The following CLASP1 variants were observed in gnomAD, a reference collection of about 807,000 sequenced individuals.
The protein encoded by CLASP1 is CLIP-associating protein 1.
Under a neutral mutation model 192.3 loss-of-function variants are expected in CLASP1, and 38 were observed. That is an observed-to-expected ratio of 0.20 (90% CI 0.15 to 0.26). The LOEUF is 0.26. Ranked by LOEUF, CLASP1 falls within the 10% of genes least tolerant of loss-of-function variation. CLASP1 has a pLI of 1.00. For missense variants in CLASP1, 1,433 were observed against 1,932.5 expected (o/e 0.74, Z 4.85); for synonymous variants, 691 against 712.8 (o/e 0.97, Z 0.49).
chr2:121,568,914 T>C (rs1373378874), intron 2 of CLASP1, among the ~76,000 whole-genome samples: 1 of 149,760 alleles, frequency 6.7e-6, no homozygotes, highest in Non-Finnish European at 1.5e-5. Context: ...AGGAATAGAA[T>C]TGATAGGGTA....
intron 25 of CLASP1, among the ~76,000 whole-genome samples, chr2:121,405,623 TA>T (rs2076798538): frequency 6.6e-6 from 1 of 152,206 alleles, no homozygotes; most frequent in African/African-American, 2.4e-5. Context: ...TCAATATTGT[TA>T]ACGACGTAAC....
intron 2 of CLASP1, among the ~76,000 whole-genome samples, chr2:121,546,851 T>G (rs556618247): frequency 2.0e-4 from 30 of 152,252 alleles, no homozygotes; most frequent in African/African-American, 7.0e-4. Flanking sequence ...GAGGTCAGAC[T>G]GCTGTTTTAA....
At chr2:121,607,826 C>T (rs2064649011) in intron 1 of CLASP1, among the ~76,000 whole-genome samples, 1 of 152,168 alleles carries the variant, frequency 6.6e-6, no homozygotes. Flanking sequence ...TCTAATACCA[C>T]CCCATCCCCA....
At chr2:121,493,657 C>G (rs1037306979) in intron 8 of CLASP1, among the ~76,000 whole-genome samples, 3 of 151,832 alleles carry the variant, frequency 2.0e-5, no homozygotes, top group East Asian at 3.9e-4. Flanking sequence ...TGTAAGACAA[C>G]CCACAAAATG....
intron 19 of CLASP1, among the ~76,000 whole-genome samples, chr2:121,440,166 T>C (rs1479592095): frequency 6.6e-6 from 1 of 151,910 alleles, no homozygotes; most frequent in Non-Finnish European, 1.5e-5. Flanking sequence ...CATTCCAGTC[T>C]GTGATCCTCT....
At chr2:121,512,448 T>C (rs1208695228) in intron 7 of CLASP1, among the ~76,000 whole-genome samples, 15 of 152,226 alleles carry the variant, frequency 9.9e-5, no homozygotes, top group Non-Finnish European at 1.8e-4. Flanking sequence ...TCTGAACATA[T>C]ATACATGAAC....
chr2:121,577,997 A>G (rs1264093181), intron 2 of CLASP1, among the ~76,000 whole-genome samples: 2 of 152,130 alleles, frequency 1.3e-5, no homozygotes, highest in Non-Finnish European at 2.9e-5. Context: ...CAGTGGTATG[A>G]TCTCTGCTCA....
At chr2:121,451,121 C>T in intron 15 of CLASP1, 131 bp from the exon 16 acceptor site, 1 of 658,832 alleles carries the variant, frequency 1.5e-6, no homozygotes, top group South Asian at 1.9e-5. Context: ...TGGTCAGTTC[C>T]CACGTGGCTG....
intron 26 of CLASP1, chr2:121,403,849 G>A: frequency 2.2e-6 from 1 of 456,910 alleles, no homozygotes; most frequent in South Asian, 1.6e-5. Flanking sequence ...CACCAGCTAA[G>A]TGATCCCCGT....
intron 2 of CLASP1, among the ~76,000 whole-genome samples, chr2:121,548,360 A>T (rs1575873656): frequency 6.6e-6 from 1 of 152,246 alleles, no homozygotes; most frequent in East Asian, 1.9e-4. Flanking sequence ...GTCAGACAAA[A>T]ATAGTGACAA....
At chr2:121,374,444 A>C (rs1419193503) in intron 34 of CLASP1, among the ~76,000 whole-genome samples, 2 of 152,232 alleles carry the variant, frequency 1.3e-5, no homozygotes, top group South Asian at 2.1e-4. Context: ...TGGAGCCCCC[A>C]CAGAGTCCCC....
intron 8 of CLASP1, among the ~76,000 whole-genome samples, chr2:121,473,478 C>T (rs1378103574): frequency 6.6e-6 from 1 of 151,986 alleles, no homozygotes; most frequent in East Asian, 1.9e-4. Flanking sequence ...GTCTCAGAGA[C>T]ATGAAGGATA....
At chr2:121,490,580 C>T (rs1319134938) in intron 8 of CLASP1, among the ~76,000 whole-genome samples, 1 of 152,058 alleles carries the variant, frequency 6.6e-6, no homozygotes, top group Non-Finnish European at 1.5e-5. Flanking sequence ...AGTTCTTCCC[C>T]CTCAAGAAAA....
intron 1 of CLASP1, among the ~76,000 whole-genome samples, chr2:121,629,239 A>C (rs2068993936): frequency 6.6e-6 from 1 of 151,880 alleles, no homozygotes; most frequent in Admixed American, 6.6e-5. Flanking sequence ...AAATACAAAA[A>C]ATTAGCCTGG....
chr2:121,570,416 T>C (rs575121152), intron 2 of CLASP1, among the ~76,000 whole-genome samples: 1 of 152,370 alleles, frequency 6.6e-6, no homozygotes, highest in Admixed American at 6.5e-5. Flanking sequence ...GAAAAATATC[T>C]CTGTGGCTAA....
chr2:121,339,127 A>C (rs965683551), exon 40 of CLASP1: 1 of 139,846 alleles, frequency 7.2e-6, no homozygotes, highest in East Asian at 2.1e-4. Flanking sequence ...AAACACACAC[A>C]ACACCACACA....
intron 36 of CLASP1, 148 bp from the exon 38 acceptor site, chr2:121,363,448 G>T: frequency 1.1e-6 from 1 of 889,868 alleles, no homozygotes; most frequent in Non-Finnish European, 1.7e-6. Flanking sequence ...CAGTTCACTT[G>T]AAATCAGCTT....
intron 34 of CLASP1, 29 bp downstream of exon 35, chr2:121,377,470 G>C (rs781011411): frequency 1.3e-6 from 2 of 1,558,866 alleles, no homozygotes. Context: ...AACTCATACA[G>C]AGTTCTCTTT....
chr2:121,478,663 C>A (rs573232502), intron 8 of CLASP1, among the ~76,000 whole-genome samples: 22,532 of 98,042 alleles, frequency 0.23, 4,080 homozygotes, highest in African/African-American at 0.53. Context: ...CACACACACC[C>A]CCCACACACA....
Sources: allele counts gnomAD v4.1 joint callset (sites outside exome capture counted in the v4.1 genomes callset), GRCh38; gene constraint gnomAD v4.1.1; transcripts MANE v1.5; gene names NCBI Gene and HGNC (gene_info 2026-07-23, HGNC 2026-07-21).